GNA14: variants seen among roughly 807,000 people sequenced by gnomAD.
The protein encoded by GNA14 is G protein subunit alpha 14, also known as guanine nucleotide-binding protein subunit alpha-14.
In GNA14, 50 loss-of-function variants were observed where a neutral mutation model predicts 42.0. The observed-to-expected ratio is 1.19, with a 90% CI of 0.95 to 1.51. The LOEUF is 1.51. Among genes scored for constraint, GNA14 ranks in the 40% most tolerant of loss-of-function variants. The probability of loss-of-function intolerance (pLI) is 0.00; values close to 1 mark genes in which losing one functional copy is unlikely to be tolerated. For missense variants in GNA14, 473 were observed against 446.2 expected (o/e 1.06, Z -0.54); for synonymous variants, 173 against 163.1 (o/e 1.06, Z -0.46).
chr9:77,462,060 T>A (rs1205934022), intron 2 of GNA14, among the ~76,000 whole-genome samples: 1 of 152,210 alleles, frequency 6.6e-6, no homozygotes, highest in African/African-American at 2.4e-5. Flanking sequence ...TGAGACCACT[T>A]GTCCAGCCTG....
At chr9:77,469,719 C>G (rs766996654) in intron 2 of GNA14, among the ~76,000 whole-genome samples, 1 of 152,128 alleles carries the variant, frequency 6.6e-6, no homozygotes. Flanking sequence ...CTGCTGCAGA[C>G]CAGGTTTGGA....
At chr9:77,541,117 C>T (rs1837655507) in intron 1 of GNA14, among the ~76,000 whole-genome samples, 1 of 151,958 alleles carries the variant, frequency 6.6e-6, no homozygotes, top group South Asian at 2.1e-4. Context: ...GTTTGGTTAA[C>T]CAATGGGTTT....
chr9:77,478,820 T>C (rs1450856555), intron 2 of GNA14, among the ~76,000 whole-genome samples: 4 of 152,262 alleles, frequency 2.6e-5, no homozygotes, highest in Non-Finnish European at 5.9e-5. Flanking sequence ...GCTGCATTAA[T>C]GTCTTTTTTT....
At chr9:77,563,003 T>C (rs563621841) in intron 1 of GNA14, among the ~76,000 whole-genome samples, 5 of 152,262 alleles carry the variant, frequency 3.3e-5, no homozygotes, top group African/African-American at 1.2e-4. Context: ...GGAGCAAACA[T>C]AGGTACCCGT....
chr9:77,441,223 G>A (rs1396925016), intron 2 of GNA14, among the ~76,000 whole-genome samples: 1 of 152,182 alleles, frequency 6.6e-6, no homozygotes, highest in African/African-American at 2.4e-5. Context: ...GGGACCTGGT[G>A]GGAGGTGATT....
At chr9:77,608,649 T>C (rs1823676520) in intron 1 of GNA14, among the ~76,000 whole-genome samples, 1 of 151,862 alleles carries the variant, frequency 6.6e-6, no homozygotes, top group Non-Finnish European at 1.5e-5. Context: ...GGATTATTCT[T>C]CCCTTTTCTT....
chr9:77,441,553 T>G (rs1026552622), intron 2 of GNA14, among the ~76,000 whole-genome samples: 1 of 152,246 alleles, frequency 6.6e-6, no homozygotes, highest in Non-Finnish European at 1.5e-5. Context: ...AAGTGTCTAC[T>G]GTGATGTGCA....
intron 1 of GNA14, among the ~76,000 whole-genome samples, chr9:77,549,248 A>G (rs1413112709): frequency 6.6e-6 from 1 of 152,134 alleles, no homozygotes; most frequent in African/African-American, 2.4e-5. Context: ...AAGTCTTTCG[A>G]TAGGACATGT....
chr9:77,444,233 C>T (rs544527506), intron 2 of GNA14, among the ~76,000 whole-genome samples: 23 of 152,336 alleles, frequency 1.5e-4, no homozygotes, highest in African/African-American at 5.5e-4. Flanking sequence ...GACGCATCCA[C>T]TTTCCGGGTC....
chr9:77,442,450 A>T (rs1835749706), intron 2 of GNA14, among the ~76,000 whole-genome samples: 1 of 152,236 alleles, frequency 6.6e-6, no homozygotes, highest in East Asian at 1.9e-4. Context: ...ACAGTGCCCA[A>T]GCAGATGAGC....
intron 2 of GNA14, among the ~76,000 whole-genome samples, chr9:77,447,186 C>T (rs1354331990): frequency 3.3e-5 from 5 of 152,136 alleles, no homozygotes; most frequent in Admixed American, 6.5e-5. Flanking sequence ...CTCAAATGAT[C>T]GCTGACCTCG....
intron 2 of GNA14, among the ~76,000 whole-genome samples, chr9:77,500,537 A>G (rs1473613703): frequency 6.6e-6 from 1 of 152,198 alleles, no homozygotes; most frequent in Non-Finnish European, 1.5e-5. Flanking sequence ...CAGTCAAGAT[A>G]TAGAACATTT....
chr9:77,450,239 G>C (rs1835882329), intron 2 of GNA14, among the ~76,000 whole-genome samples: 1 of 152,148 alleles, frequency 6.6e-6, no homozygotes, highest in Admixed American at 6.5e-5. Context: ...AGCAAGATGA[G>C]GGGGCTGGCT....
intron 2 of GNA14, among the ~76,000 whole-genome samples, chr9:77,447,763 G>A (rs190007267): frequency 6.6e-5 from 10 of 152,296 alleles, no homozygotes; most frequent in South Asian, 4.1e-4. Context: ...AGAGAGCATG[G>A]AGCAGTGTTC....
chr9:77,588,201 TCA>T (rs1039149385), intron 1 of GNA14, among the ~76,000 whole-genome samples: 6 of 152,314 alleles, frequency 3.9e-5, no homozygotes, highest in Admixed American at 2.6e-4. Flanking sequence ...AGTAACATAT[TCA>T]CAGTTTTCAG....
chr9:77,468,257 T>G (rs148820025), intron 2 of GNA14, among the ~76,000 whole-genome samples: 461 of 152,326 alleles, frequency 3.0e-3, no homozygotes, highest in Non-Finnish European at 5.0e-3. Flanking sequence ...TAGATTTTCT[T>G]GAATAAATGT....
chr9:77,573,821 G>C (rs1013705679), intron 1 of GNA14, among the ~76,000 whole-genome samples: 1 of 152,138 alleles, frequency 6.6e-6, no homozygotes, highest in Non-Finnish European at 1.5e-5. Context: ...GAGGTTGGGG[G>C]AAACTTTAGT....
intron 2 of GNA14, among the ~76,000 whole-genome samples, chr9:77,481,717 A>G (rs1836555713): frequency 6.6e-6 from 1 of 152,148 alleles, no homozygotes; most frequent in Non-Finnish European, 1.5e-5. Context: ...GACTTGCTTT[A>G]TGAATCTGGG....
At chr9:77,568,216 C>T (rs547702575) in intron 1 of GNA14, among the ~76,000 whole-genome samples, 3 of 152,074 alleles carry the variant, frequency 2.0e-5, no homozygotes, top group South Asian at 4.2e-4. Context: ...TTTGTGAGGC[C>T]GAGGTGGGGG....
Sources: gnomAD v4.1 joint callset for allele counts (sites outside exome capture counted in the v4.1 genomes callset) on GRCh38, gnomAD v4.1.1 for gene constraint, MANE v1.5 for transcripts, NCBI Gene and HGNC (gene_info 2026-07-23, HGNC 2026-07-21) for gene names.